The following DGKI variants were observed in gnomAD, a reference collection of about 807,000 sequenced individuals.
DGKI encodes diacylglycerol kinase iota, also known as DAG kinase iota.
DGKI carries 55 observed loss-of-function variants against 147.5 expected under a neutral mutation model. That is an observed-to-expected ratio of 0.37 (90% confidence interval 0.30 to 0.47). DGKI has a LOEUF of 0.47. Among genes scored for constraint, DGKI ranks in the 20% least tolerant of loss-of-function variants. The probability of loss-of-function intolerance (pLI) is 1.00; values close to 1 mark genes in which losing one functional copy is unlikely to be tolerated. For synonymous variants in DGKI, 469 were observed against 477.1 expected (o/e 0.98, Z 0.22); for missense variants, 1,007 against 1,323.8 (o/e 0.76, Z 3.71).
At chr7:137,472,392 T>TATTATATGTATATATACA (rs61018353) in intron 23 of DGKI, among the ~76,000 whole-genome samples, 1 of 12,840 alleles carries the variant, frequency 7.8e-5, no homozygotes, top group African/African-American at 1.3e-4. Flanking sequence ...TATATACATA[T>TATTATATGTATATATACA]TATAATTATT....
chr7:137,736,057 AAGC>A (rs1279305526), intron 1 of DGKI, among the ~76,000 whole-genome samples: 14 of 152,070 alleles, frequency 9.2e-5, no homozygotes, highest in African/African-American at 3.4e-4. Context: ...GTTGTGTAGA[AAGC>A]CACTCAACAT....
intron 1 of DGKI, among the ~76,000 whole-genome samples, chr7:137,751,488 T>C (rs1376997281): frequency 6.6e-6 from 1 of 152,226 alleles, no homozygotes; most frequent in Non-Finnish European, 1.5e-5. Context: ...ATTTTTATCA[T>C]ATGTGTTCCT....
chr7:137,517,291 G>GA lies in DGKI; in HGVS notation c.2248+4574dup, dbSNP rs1563063851. Among the ~76,000 whole-genome samples, 46 of 91,524 alleles carry GA rather than the reference G, an allele frequency of 5.0e-4. 1 individual carries two copies. Among genetic ancestry groups the GA allele is most frequent in the African/African-American group, 2.0e-3 (43 of 21,490 alleles). The allele number at this position is 91,524 out of a possible 152,430, so 60.0% of individuals were successfully genotyped here. A position where few individuals can be genotyped will look rare whatever the true frequency, so the allele number is the denominator to read the frequency against. ...AAGAAAGAAAAGAAAAAGAAAGAAA[G>GA]AAAGAAAGAAAGAAAGAAAGAAAGA... On this transcript the variant is annotated intron_variant, in intron 21 of 32. Transcript: ENST00000614521.
At chr7:137,565,775 A>G (rs997070045) in intron 19 of DGKI, among the ~76,000 whole-genome samples, 1 of 152,194 alleles carries the variant, frequency 6.6e-6, no homozygotes, top group Non-Finnish European at 1.5e-5. Context: ...AATAAATACA[A>G]ATTACAATGT....
intron 19 of DGKI, among the ~76,000 whole-genome samples, chr7:137,554,694 T>A (rs1255207900): frequency 6.6e-6 from 1 of 151,992 alleles, no homozygotes; most frequent in East Asian, 1.9e-4. Flanking sequence ...CAATCCTGGG[T>A]TGGGGGAGGG....
intron 7 of DGKI, among the ~76,000 whole-genome samples, chr7:137,623,023 C>T (rs1389404592): frequency 6.6e-6 from 1 of 152,190 alleles, no homozygotes. Flanking sequence ...AATAAAAAGT[C>T]ATGCACATTA....
At chr7:137,738,730 C>T (rs969790523) in intron 1 of DGKI, among the ~76,000 whole-genome samples, 2 of 150,596 alleles carry the variant, frequency 1.3e-5, no homozygotes, top group East Asian at 2.0e-4. Flanking sequence ...AGGTTCCCCC[C>T]CCCCCTTTCC....
At chr7:137,790,606 A>G (rs1187568181) in intron 1 of DGKI, among the ~76,000 whole-genome samples, 1 of 152,228 alleles carries the variant, frequency 6.6e-6, no homozygotes, top group Non-Finnish European at 1.5e-5. Flanking sequence ...CAATTTGCAA[A>G]CTTGGATGAT....
intron 16 of DGKI, among the ~76,000 whole-genome samples, chr7:137,577,742 T>C (rs1326162992): frequency 1.3e-5 from 2 of 152,204 alleles, no homozygotes; most frequent in East Asian, 3.8e-4. Flanking sequence ...TACTGATATT[T>C]TGGATGCCTT....
chr7:137,576,043 C>CTTTTTTTTTTTTTTTTTTT (rs1386281275), intron 17 of DGKI, among the ~76,000 whole-genome samples: 1 of 135,068 alleles, frequency 7.4e-6, no homozygotes, highest in African/African-American at 2.8e-5. Context: ...TTTTCTTTTT[C>CTTTTTTTTTTTTTTTTTTT]TTTTTTTTTT....
intron 28 of DGKI, among the ~76,000 whole-genome samples, chr7:137,438,676 G>A (rs2128914749): frequency 6.6e-6 from 1 of 152,094 alleles, no homozygotes; most frequent in Non-Finnish European, 1.5e-5. Context: ...CAAGAAACCT[G>A]TTATTTATGT....
chr7:137,753,291 C>A (rs1018296609), intron 1 of DGKI, among the ~76,000 whole-genome samples: 1 of 152,216 alleles, frequency 6.6e-6, no homozygotes, highest in Non-Finnish European at 1.5e-5. Context: ...TACTTCCAGA[C>A]AGAGAGTCTC....
At chr7:137,463,155 T>C (rs1401781530) in intron 27 of DGKI, among the ~76,000 whole-genome samples, 1 of 152,188 alleles carries the variant, frequency 6.6e-6, no homozygotes, top group East Asian at 1.9e-4. Context: ...ATCACTCTCA[T>C]GCATGTCTTT....
intron 1 of DGKI, among the ~76,000 whole-genome samples, chr7:137,808,520 G>A (rs1208770994): frequency 6.6e-6 from 1 of 152,076 alleles, no homozygotes; most frequent in Admixed American, 6.5e-5. Context: ...CACCAAACTC[G>A]GTTCAAATCT....
At chr7:137,526,394 G>A (rs935042351) in intron 20 of DGKI, among the ~76,000 whole-genome samples, 2 of 143,982 alleles carry the variant, frequency 1.4e-5, no homozygotes, top group African/African-American at 5.0e-5. Context: ...TAAACCTGTC[G>A]CCTTCTCACT....
chr7:137,473,385 T>C (rs1815054885), intron 23 of DGKI, among the ~76,000 whole-genome samples: 1 of 152,160 alleles, frequency 6.6e-6, no homozygotes. Flanking sequence ...GTTCAACAAT[T>C]CTTGAACTCT....
At position 137,464,543 on chromosome 7, in the gene DGKI, G is replaced by A. The variant is rs1814579705; in HGVS notation, c.2613-932C>T. Among the ~76,000 whole-genome samples the A allele has an allele frequency of 2.6e-5, 4 of 152,220 alleles. No homozygotes were observed. The South Asian group carries it at 8.3e-4, about 32-fold the overall frequency. On this transcript the variant is annotated intron_variant, in intron 26 of 32. Coordinates refer to ENST00000614521, the MANE Select transcript of DGKI (RefSeq NM_001321708.2). The stretch of plus-strand genomic sequence containing the variant: ...CCAGGGGTGCATCAGGTTACCCCTT[G>A]TGCCTGTCGGCCTTCCCCCATGCTC...
chr7:137,592,522 T>TA (rs1423617208), intron 12 of DGKI, among the ~76,000 whole-genome samples: 1 of 152,214 alleles, frequency 6.6e-6, no homozygotes, highest in Non-Finnish European at 1.5e-5. Context: ...TTTTGAGCAA[T>TA]ATTTTCATTC....
At chr7:137,622,702 G>A (rs182402496) in intron 7 of DGKI, among the ~76,000 whole-genome samples, 6 of 152,264 alleles carry the variant, frequency 3.9e-5, no homozygotes, top group Admixed American at 1.3e-4. Flanking sequence ...CTTGGCCTAC[G>A]AGCTGTAGTC....
Sources: gnomAD v4.1 joint callset for allele counts (sites outside exome capture counted in the v4.1 genomes callset) on GRCh38, gnomAD v4.1.1 for gene constraint, MANE v1.5 for transcripts, NCBI Gene and HGNC (gene_info 2026-07-23, HGNC 2026-07-21) for gene names.